Variants in PYROXD2 observed in about 807,000 individuals in gnomAD.
PYROXD2 encodes pyridine nucleotide-disulfide oxidoreductase domain-containing protein 2.
PYROXD2 carries 69 observed loss-of-function variants against 71.1 expected under a neutral mutation model. That is an observed-to-expected ratio of 0.97 (90% CI 0.80 to 1.19). PYROXD2 has a LOEUF of 1.19. Among genes scored for constraint, PYROXD2 ranks in the 50% most tolerant of loss-of-function variants. The pLI is 0.00. For synonymous variants in PYROXD2, 287 were observed against 302.7 expected (o/e 0.95, Z 0.54); for missense variants, 745 against 748.9 (o/e 0.99, Z 0.06).
chr10:98,397,553 T>C, intron 5 of PYROXD2, 55 bp from the exon 6 acceptor site: 1 of 1,485,616 alleles, frequency 6.7e-7, no homozygotes, highest in Non-Finnish European at 9.0e-7. Flanking sequence ...CCCTCCATGC[T>C]GTCCCCAGAT....
In PYROXD2 at chr10:98,407,609, C is replaced by T. The variant is rs1216954821; in HGVS notation, c.288G>A (p.Pro96=). 3.1e-6 allele frequency: 5 copies of T among 1,613,690 alleles called. No individual in the cohort carries two copies. Among genetic ancestry groups the T allele is most frequent in the South Asian group, 2.2e-5 (2 of 91,046 alleles). The change falls in exon 4 of 16, where the codon CCG becomes CCA. Residue 96 remains proline, a synonymous_variant. Transcript: ENST00000370575. ...TCAGCTCCAGATCAGTGTAAATCTG[C>T]GGCCTCAGCAGGCTGAGCAGGTAGG... is the stretch of plus-strand genomic sequence containing the variant. The part of the protein sequence containing the change: ...RASYLLSLLR[P]QIYTDLELKK...
intron 5 of PYROXD2, 81 bp from the exon 6 acceptor site, chr10:98,397,579 C>T: frequency 2.1e-6 from 3 of 1,448,408 alleles, no homozygotes; most frequent in East Asian, 2.5e-5. Flanking sequence ...GTCACCCCCC[C>T]ACAGCTTGAC....
intron 8 of PYROXD2, among the ~76,000 whole-genome samples, chr10:98,393,346 T>G (rs563910624): frequency 6.6e-6 from 1 of 152,226 alleles, no homozygotes; most frequent in Non-Finnish European, 1.5e-5. Context: ...AGCCCTCTCC[T>G]GAGCTCCAGC....
In PYROXD2 at chr10:98,398,536, G is replaced by A. The variant is rs558029568; in HGVS notation, c.472-1038C>T. 8.8e-4 allele frequency among the ~76,000 whole-genome samples: 134 copies of A among 152,260 alleles called. 1 individual carries two copies. Among genetic ancestry groups the A allele is most frequent in the Middle Eastern group, 3.4e-3 (1 of 294 alleles). On this transcript the variant is annotated intron_variant, in intron 5 of 15. Coordinates refer to ENST00000370575, the MANE Select transcript of PYROXD2 (RefSeq NM_032709.3). Reference sequence around the variant, plus strand: ...AAAAGTTCCATGTTAAAATACATTCGAGAAGTCTTATTAAAAATGAAGTTA... The same window carrying A: ...AAAAGTTCCATGTTAAAATACATTCAAGAAGTCTTATTAAAAATGAAGTTA...
At chr10:98,383,922 G>A in intron 15 of PYROXD2, 54 bp from the exon 16 acceptor site, 1 of 1,525,332 alleles carries the variant, frequency 6.6e-7, no homozygotes, top group Non-Finnish European at 9.1e-7. Context: ...TGCCAGGGTG[G>A]GGGTGGGGAC....
At chr10:98,403,733 G>C (rs950017664) in intron 4 of PYROXD2, among the ~76,000 whole-genome samples, 1 of 152,164 alleles carries the variant, frequency 6.6e-6, no homozygotes, top group Non-Finnish European at 1.5e-5. Flanking sequence ...ATCTAGGCTG[G>C]AATCTCCACT....
intron 4 of PYROXD2, among the ~76,000 whole-genome samples, chr10:98,406,891 C>CAAAA (rs35562526): frequency 4.1e-5 from 3 of 73,112 alleles, no homozygotes; most frequent in Admixed American, 1.6e-4. Context: ...GACTCCGTCC[C>CAAAA]AAAAAAAAAA....
At position 98,413,136 on chromosome 10, in the gene PYROXD2, G is replaced by A. The variant is rs1843844400; in HGVS notation, c.127+1873C>T. 4.6e-5 allele frequency among the ~76,000 whole-genome samples: 7 copies of A among 152,302 alleles called. No homozygotes were observed. The South Asian group carries it at 1.5e-3, about 32-fold the overall frequency. On this transcript the variant is annotated intron_variant, in intron 1 of 15. Coordinates refer to ENST00000370575, the MANE Select transcript of PYROXD2 (RefSeq NM_032709.3). Reference sequence around the variant, plus strand: ...CTGCATGGTGGACACACTATACAATGATGTGCTACTGGGTATCTCTCCTAA... The same window carrying A: ...CTGCATGGTGGACACACTATACAATAATGTGCTACTGGGTATCTCTCCTAA...
chr10:98,407,476 CAG>C, intron 4 of PYROXD2, 104 bp downstream of exon 4: 1 of 1,385,282 alleles, frequency 7.2e-7, no homozygotes, highest in Non-Finnish European at 9.9e-7. Flanking sequence ...AGGGAGCCCT[CAG>C]GGGCGGGCAT....
At chr10:98,391,208 A>C in intron 10 of PYROXD2, 126 bp from the exon 11 acceptor site, 12 of 688,460 alleles carry the variant, frequency 1.7e-5, no homozygotes, top group East Asian at 2.7e-5. Context: ...TTCAAAGCTC[A>C]GCCAAAACCA....
intron 13 of PYROXD2, among the ~76,000 whole-genome samples, chr10:98,387,664 A>G (rs2182170): frequency 0.47 from 64,862 of 137,414 alleles, 15,508 homozygotes; most frequent in African/African-American, 0.62. Context: ...ACGGAGTCTC[A>G]CTCTGTCACC....
chr10:98,397,323 T>C, intron 6 of PYROXD2, 22 bp downstream of exon 6: 1 of 1,566,312 alleles, frequency 6.4e-7, no homozygotes, highest in Non-Finnish European at 8.7e-7. Flanking sequence ...CATCATGCCC[T>C]GGTGCCTGCA....
At chr10:98,414,157 G>A (rs149916942) in intron 1 of PYROXD2, 20 of 152,000 alleles carry the variant, frequency 1.3e-4, no homozygotes, top group African/African-American at 4.1e-4. Context: ...TGAGTGTTGA[G>A]TATCTACCAG....
chr10:98,392,483 C>G lies in PYROXD2; in HGVS notation c.1011G>C (p.Met337Ile). 1 of 1,613,904 alleles carries G rather than the reference C, an allele frequency of 6.2e-7. No homozygotes were observed. Among genetic ancestry groups the G allele is most frequent in the Non-Finnish European group, 8.5e-7 (1 of 1,180,038 alleles). ...LEDGTEVRSK[M>I]VLSNTSPQIT... ...TCTGCGGTGATGTGTTGGACAGCAC[C>G]ATTTTGCTTCTCACCTCTGTGCCAT... The change falls in exon 10 of 16, where the codon ATG becomes ATC. Residue 337 changes from methionine to isoleucine, a missense_variant. Physicochemically the swap from Met to Ile is conservative, Grantham distance 10. Transcript: ENST00000370575.
chr10:98,383,922 G>T (rs946401201), intron 15 of PYROXD2, 54 bp from the exon 16 acceptor site: 1 of 1,525,330 alleles, frequency 6.6e-7, no homozygotes, highest in Non-Finnish European at 9.1e-7. Flanking sequence ...TGCCAGGGTG[G>T]GGGTGGGGAC....
chr10:98,387,642 T>C (rs113242430), intron 13 of PYROXD2, among the ~76,000 whole-genome samples: 1 of 89,980 alleles, frequency 1.1e-5, no homozygotes, highest in Admixed American at 1.2e-4. Flanking sequence ...TTTTTTTTTT[T>C]TTTTTTTTGA....
rs1564805433 is a variant in PYROXD2, at chr10:98,401,276, AC to A, written c.316-1020del. ...CTCAAAAAAAAAAAAACAAAAAAAA[AC>A]AAACATAGAAAAGGTACATTAAGAA... On this transcript the variant is annotated intron_variant, in intron 4 of 15. Transcript: ENST00000370575. Among the ~76,000 whole-genome samples the A allele has an allele frequency of 4.6e-5, 7 of 150,676 alleles. 1 individual carries two copies. The highest frequency in any genetic ancestry group is 1.7e-4 in the African/African-American group (7 of 40,738).
chr10:98,407,948 C>T lies in PYROXD2; in HGVS notation c.197G>A (p.Arg66His), dbSNP rs143908046. The change falls in exon 3 of 16, where the codon CGC becomes CAC. Residue 66 changes from arginine to histidine, a missense_variant. Coordinates refer to ENST00000370575, the MANE Select transcript of PYROXD2 (RefSeq NM_032709.3). ...GACAGCTGCACCCCCGATCACATGG[C>T]GCCTCTCGAAGACGGCGGTGTTCAC... Reference protein sequence around the residue: ...LGVNTAVFERRHVIGGAAVTE... With the variant: ...LGVNTAVFERHHVIGGAAVTE... The T allele has an allele frequency of 2.4e-5, 39 of 1,611,140 alleles. No homozygotes were observed. The African/African-American group carries it at 3.2e-4, about 13-fold the overall frequency.
At chr10:98,405,609 G>A (rs1564808645) in intron 4 of PYROXD2, among the ~76,000 whole-genome samples, 1 of 152,210 alleles carries the variant, frequency 6.6e-6, no homozygotes, top group South Asian at 2.1e-4. Context: ...GTGAAATCAC[G>A]CAGCTGGTGA....
Sources: allele counts gnomAD v4.1 joint callset (sites outside exome capture counted in the v4.1 genomes callset), GRCh38; gene constraint gnomAD v4.1.1; transcripts MANE v1.5; gene names NCBI Gene and HGNC (gene_info 2026-07-23, HGNC 2026-07-21).